UBE2F: variants seen among roughly 807,000 people sequenced by gnomAD.
The protein encoded by UBE2F is NEDD8-conjugating enzyme UBE2F.
UBE2F carries 5 observed loss-of-function variants against 29.6 expected under a neutral mutation model. That is an observed-to-expected ratio of 0.17 (90% confidence interval 0.09 to 0.36). The LOEUF (loss-of-function observed/expected upper bound fraction) is 0.36. UBE2F is among the 10% of genes least tolerant of loss of function. The probability of loss-of-function intolerance (pLI) is 1.00; values close to 1 mark genes in which losing one functional copy is unlikely to be tolerated. For synonymous variants in UBE2F, 66 were observed against 81.8 expected (o/e 0.81, Z 1.04); for missense variants, 141 against 228.5 (o/e 0.62, Z 2.47).
At position 237,982,076 on chromosome 2, in the gene UBE2F, C is replaced by A. The variant is rs541429084; in HGVS notation, c.119-5887C>A. 6.6e-6 allele frequency among the ~76,000 whole-genome samples: 1 copy of A among 152,208 alleles called. No individual in the cohort carries two copies. Among genetic ancestry groups the A allele is most frequent in the Non-Finnish European group, 1.5e-5 (1 of 68,018 alleles). On this transcript the variant is annotated intron_variant, in intron 2 of 9. Transcript: ENST00000272930. The surrounding 1 kb of genome is among the most constrained non-coding windows in gnomAD (Gnocchi z 4.1). ...CAAAATGTACTACAATTTATTGAATCATTTACTTAAAATGGGTCTATTTGA... is the reference window on the plus strand; with the variant it reads ...CAAAATGTACTACAATTTATTGAATAATTTACTTAAAATGGGTCTATTTGA...
chr2:238,010,587 C>T (rs568698295), intron 4 of UBE2F, among the ~76,000 whole-genome samples: 1 of 152,298 alleles, frequency 6.6e-6, no homozygotes, highest in East Asian at 1.9e-4. Flanking sequence ...GGTTTTTCCT[C>T]CTTTGTCTCT....
intron 5 of UBE2F, among the ~76,000 whole-genome samples, chr2:238,018,458 TA>T (rs1037689273): frequency 2.0e-5 from 3 of 152,154 alleles, no homozygotes; most frequent in Admixed American, 6.5e-5. Flanking sequence ...GAAAGCAAAC[TA>T]AGAGAAAATA....
At chr2:237,998,554 TTTC>T in intron 4 of UBE2F, among the ~76,000 whole-genome samples, 1 of 152,226 alleles carries the variant, frequency 6.6e-6, no homozygotes, top group South Asian at 2.1e-4. Flanking sequence ...ATTTGAGTAG[TTTC>T]TAGGTTTTGG....
At chr2:238,010,460 C>T (rs747479573) in intron 4 of UBE2F, among the ~76,000 whole-genome samples, 5 of 152,218 alleles carry the variant, frequency 3.3e-5, no homozygotes, top group African/African-American at 9.6e-5. Context: ...CGTGAGCCAC[C>T]GTGCCCGGCC....
rs1480223265 is a variant in UBE2F, at chr2:238,015,924, A to T, written c.215-642A>T. Among the ~76,000 whole-genome samples the T allele has an allele frequency of 2.0e-5, 3 of 152,102 alleles. No individual in the cohort carries two copies. The East Asian group carries it at 5.8e-4, about 29-fold the overall frequency. On this transcript the variant is annotated intron_variant, in intron 4 of 9. Coordinates refer to ENST00000272930, the MANE Select transcript of UBE2F (RefSeq NM_080678.3). ...ACAGGGTGTGGGGGGCGGGGTAAAG[A>T]GGGAGTGGGGGTACACAGCATGTGG...
intron 5 of UBE2F, among the ~76,000 whole-genome samples, chr2:238,023,249 A>G (rs1358191347): frequency 6.6e-6 from 1 of 152,210 alleles, no homozygotes; most frequent in African/African-American, 2.4e-5. Flanking sequence ...CTGCAGCCCA[A>G]ATGCCTCAGT....
intron 4 of UBE2F, among the ~76,000 whole-genome samples, chr2:238,013,989 T>C (rs959691435): frequency 3.9e-5 from 6 of 152,222 alleles, no homozygotes; most frequent in African/African-American, 1.4e-4. Context: ...GGTGCACGTG[T>C]AGTTACAGAC....
intron 2 of UBE2F, chr2:237,973,542 G>T (rs2063215501): frequency 5.0e-6 from 3 of 601,962 alleles, no homozygotes; most frequent in Non-Finnish European, 5.4e-6. Context: ...TTTCAGAGCT[G>T]CCATTATCTT....
At chr2:238,001,070 T>C (rs1258469812) in intron 4 of UBE2F, among the ~76,000 whole-genome samples, 5 of 149,066 alleles carry the variant, frequency 3.4e-5, no homozygotes, top group Admixed American at 6.9e-5. Context: ...GTTTCACTCT[T>C]GTTGCCCAGG....
chr2:237,970,376 AAAAC>A (rs1490685166), intron 1 of UBE2F, among the ~76,000 whole-genome samples: 4 of 152,318 alleles, frequency 2.6e-5, no homozygotes, highest in East Asian at 3.9e-4. Flanking sequence ...CCTGTCTCAA[AAAAC>A]AAACAAAAAA....
chr2:238,030,795 G>T (rs530408139), intron 7 of UBE2F, among the ~76,000 whole-genome samples, 182 bp downstream of exon 7: 1 of 152,232 alleles, frequency 6.6e-6, no homozygotes, highest in Non-Finnish European at 1.5e-5. Flanking sequence ...ACCTCGGTCA[G>T]TTTGGGCCGG....
intron 4 of UBE2F, among the ~76,000 whole-genome samples, chr2:238,016,024 T>C (rs1429494095): frequency 2.0e-5 from 3 of 152,158 alleles, no homozygotes; most frequent in Non-Finnish European, 4.4e-5. Flanking sequence ...GAAGGCCTGC[T>C]CTGTTCTGAA....
At chr2:238,014,063 GC>G (rs1169668250) in intron 4 of UBE2F, among the ~76,000 whole-genome samples, 2 of 152,152 alleles carry the variant, frequency 1.3e-5, no homozygotes, top group Non-Finnish European at 1.5e-5. Flanking sequence ...AACCGTCTCC[GC>G]CTTGGGCCAG....
In UBE2F at chr2:237,994,206, G is replaced by A. The variant is rs550902753; in HGVS notation, c.149-538G>A. On this transcript the variant is annotated intron_variant, in intron 3 of 9. Coordinates refer to ENST00000272930, the MANE Select transcript of UBE2F (RefSeq NM_080678.3). ...GCTCACTGCAACCTCCATCTCCTGG[G>A]TTCAAGTGATTCTCCTGCCTCAGCC... Among the ~76,000 whole-genome samples, 190 of 151,104 alleles carry A rather than the reference G, an allele frequency of 1.3e-3. 1 individual carries two copies. The highest frequency in any genetic ancestry group is 2.0e-3 in the Non-Finnish European group (138 of 67,896).
chr2:238,039,738 G>C (rs1166851709), intron 9 of UBE2F, among the ~76,000 whole-genome samples: 2 of 152,204 alleles, frequency 1.3e-5, no homozygotes, highest in African/African-American at 2.4e-5. Flanking sequence ...CATGGGGCCT[G>C]CTGGAGCATG....
chr2:238,037,190 C>T (rs2064731390), intron 9 of UBE2F, among the ~76,000 whole-genome samples: 1 of 152,084 alleles, frequency 6.6e-6, no homozygotes, highest in African/African-American at 2.4e-5. Context: ...CAGTAAGACA[C>T]CTATTTAAGG....
chr2:238,036,472 G>A (rs1474115573), intron 9 of UBE2F, among the ~76,000 whole-genome samples: 2 of 137,362 alleles, frequency 1.5e-5, no homozygotes, highest in South Asian at 2.5e-4. Flanking sequence ...GAGCTACGGC[G>A]CCCAGCCGAG....
At chr2:238,013,139 AC>A (rs748414393) in intron 4 of UBE2F, among the ~76,000 whole-genome samples, 28 of 152,072 alleles carry the variant, frequency 1.8e-4, no homozygotes, top group Non-Finnish European at 3.8e-4. Context: ...GCGTGGTGGC[AC>A]ACACCTGTAG....
At chr2:237,969,029 T>C (rs1427966559) in intron 1 of UBE2F, 1 of 164,756 alleles carries the variant, frequency 6.1e-6, no homozygotes. Flanking sequence ...ATTCTTAAAG[T>C]GGCGTGTGAA....
Sources: gnomAD v4.1 joint callset for allele counts (sites outside exome capture counted in the v4.1 genomes callset) on GRCh38, gnomAD v4.1.1 for gene constraint, Gnocchi (gnomAD v3.1) non-coding constraint, MANE v1.5 for transcripts, NCBI Gene and HGNC (gene_info 2026-07-23, HGNC 2026-07-21) for gene names.